The following SLC7A14 variants were observed in gnomAD, a reference collection of about 807,000 sequenced individuals.
The protein encoded by SLC7A14 is gamma-aminobutyric acid transporter SLC7A14.
In SLC7A14, 37 loss-of-function variants were observed where a neutral mutation model predicts 60.2. The observed-to-expected ratio is 0.61, with a 90% CI of 0.47 to 0.81. The LOEUF is 0.81. SLC7A14 is among the 30% of genes least tolerant of loss of function. The pLI is 0.00. For missense variants in SLC7A14, 886 were observed against 982.7 expected (o/e 0.90, Z 1.32); for synonymous variants, 399 against 395.8 (o/e 1.01, Z -0.10).
At chr3:170,584,522 C>G (rs924428699) in intron 1 of SLC7A14, among the ~76,000 whole-genome samples, 1 of 152,220 alleles carries the variant, frequency 6.6e-6, no homozygotes, top group Non-Finnish European at 1.5e-5. Context: ...TGCTCTTCCA[C>G]TCAGGAAAGC....
At chr3:170,497,286 G>A (rs192442811) in intron 4 of SLC7A14, among the ~76,000 whole-genome samples, 4 of 152,176 alleles carry the variant, frequency 2.6e-5, no homozygotes, top group African/African-American at 9.6e-5. Context: ...CTCTTCTTTT[G>A]GGTTTAAGCA....
chr3:170,531,534 C>T (rs1713681149), intron 1 of SLC7A14, among the ~76,000 whole-genome samples: 1 of 152,180 alleles, frequency 6.6e-6, no homozygotes, highest in Admixed American at 6.6e-5. Context: ...TCTCTTCACG[C>T]AATTCCCCTG....
chr3:170,521,321 C>T lies in SLC7A14; in HGVS notation c.304+5312G>A, dbSNP rs545228944. Reference sequence around the variant, plus strand: ...GGTTTGCATAGCATGGGGAATGGTGCGGCAAGGCCAAAAACTCTCTTAAGA... The same window carrying T: ...GGTTTGCATAGCATGGGGAATGGTGTGGCAAGGCCAAAAACTCTCTTAAGA... On this transcript the variant is annotated intron_variant, in intron 2 of 7. Coordinates refer to ENST00000231706, the MANE Select transcript of SLC7A14 (RefSeq NM_020949.3). Among the ~76,000 whole-genome samples, 11 of 152,288 alleles carry T rather than the reference C, an allele frequency of 7.2e-5. No homozygotes were observed. In the South Asian group the frequency reaches 2.1e-3, roughly 29 times the overall value.
rs1427974511 is a variant in SLC7A14 at position 170,532,963 on chromosome 3, G to A, written c.-152-5875C>T. 6.6e-6 allele frequency among the ~76,000 whole-genome samples: 1 copy of A among 152,102 alleles called. No individual in the cohort carries two copies. The highest frequency in any genetic ancestry group is 6.5e-5 in the Admixed American group (1 of 15,270). ...ATTTGCTTAGGCCTTTGGGTGTTAT[G>A]CCTCCTCTCATTCTTCTATACTTTT... On this transcript the variant is annotated intron_variant, in intron 1 of 7. Coordinates refer to ENST00000231706, the MANE Select transcript of SLC7A14 (RefSeq NM_020949.3). The surrounding 1 kb of genome is among the most constrained non-coding windows in gnomAD (Gnocchi z 4.0).
chr3:170,582,989 T>C (rs1158752595), intron 1 of SLC7A14, among the ~76,000 whole-genome samples: 1 of 152,182 alleles, frequency 6.6e-6, no homozygotes, highest in Non-Finnish European at 1.5e-5. Context: ...TTCAGTAAAA[T>C]GATTGATGAA....
chr3:170,472,709 T>C (rs1228568727), intron 7 of SLC7A14, among the ~76,000 whole-genome samples: 2 of 150,540 alleles, frequency 1.3e-5, no homozygotes, highest in Admixed American at 6.6e-5. Context: ...AGAGCTTGCA[T>C]TGAGCTGAGA....
At chr3:170,474,748 T>A (rs1711558741) in intron 7 of SLC7A14, among the ~76,000 whole-genome samples, 1 of 152,210 alleles carries the variant, frequency 6.6e-6, no homozygotes, top group Non-Finnish European at 1.5e-5. Context: ...GTCTTCTCTT[T>A]GGGATATTTC....
chr3:170,546,949 G>T (rs1488890545), intron 1 of SLC7A14, among the ~76,000 whole-genome samples: 1 of 152,234 alleles, frequency 6.6e-6, no homozygotes, highest in Non-Finnish European at 1.5e-5. Context: ...CACCTGGGGA[G>T]CTTTTAAAAA....
rs529695055 is a variant in SLC7A14, at chr3:170,462,800, T to C, written c.*4255A>G. The C allele has an allele frequency of 3.3e-5, 5 of 152,234 alleles. No homozygotes were observed. The East Asian group carries it at 5.8e-4, about 18-fold the overall frequency. 9.4% of individuals were successfully genotyped at this position (152,234 alleles called of 1,614,324 possible). ...GATTTTACTGTTTAGATTAGATAGA[T>C]ATAAAAAGTTGTTAGGTTTAGTTGT... On this transcript the variant is annotated 3_prime_UTR_variant, in exon 8 of 8. Coordinates refer to ENST00000231706, the MANE Select transcript of SLC7A14 (RefSeq NM_020949.3).
chr3:170,468,847 A>T (rs1739798087), intron 7 of SLC7A14, among the ~76,000 whole-genome samples: 2 of 152,192 alleles, frequency 1.3e-5, no homozygotes, highest in African/African-American at 4.8e-5. Flanking sequence ...GAAATGAGGT[A>T]AGTGGTGGTT....
chr3:170,567,921 T>A (rs796959088), intron 1 of SLC7A14, among the ~76,000 whole-genome samples: 2 of 151,942 alleles, frequency 1.3e-5, no homozygotes, highest in Non-Finnish European at 2.9e-5. Context: ...CTTTGTCAGA[T>A]GAGTAGGTTG....
intron 1 of SLC7A14, among the ~76,000 whole-genome samples, chr3:170,531,948 T>A (rs1476382256): frequency 6.6e-6 from 1 of 152,046 alleles, no homozygotes; most frequent in African/African-American, 2.4e-5. Flanking sequence ...TACAGTTGAG[T>A]AGTTCACTGA....
chr3:170,512,856 G>C (rs1293000304), intron 2 of SLC7A14, among the ~76,000 whole-genome samples: 1 of 151,526 alleles, frequency 6.6e-6, no homozygotes, highest in Non-Finnish European at 1.5e-5. Flanking sequence ...GTAGAGACGG[G>C]GTTTCACCGT....
At chr3:170,474,605 T>C (rs547264074) in intron 7 of SLC7A14, among the ~76,000 whole-genome samples, 1 of 152,368 alleles carries the variant, frequency 6.6e-6, no homozygotes, top group East Asian at 1.9e-4. Context: ...ATGGGACATG[T>C]CATCAAGAAT....
intron 2 of SLC7A14, among the ~76,000 whole-genome samples, chr3:170,506,974 A>G (rs1172549820): frequency 6.6e-6 from 1 of 152,196 alleles, no homozygotes; most frequent in Non-Finnish European, 1.5e-5. Context: ...AGGCTTCTCC[A>G]CTTAAGACAT....
chr3:170,490,103 G>T (rs959174667), intron 4 of SLC7A14, among the ~76,000 whole-genome samples: 1 of 152,140 alleles, frequency 6.6e-6, no homozygotes, highest in African/African-American at 2.4e-5. Context: ...TAATTGGATT[G>T]GTTATAACTC....
intron 1 of SLC7A14, among the ~76,000 whole-genome samples, chr3:170,545,613 T>C (rs992779051): frequency 2.0e-5 from 3 of 152,202 alleles, no homozygotes; most frequent in Non-Finnish European, 4.4e-5. Flanking sequence ...CCCTCCACCC[T>C]ACCCTGGTTC....
chr3:170,534,836 A>C (rs778010631), intron 1 of SLC7A14, among the ~76,000 whole-genome samples: 23 of 152,224 alleles, frequency 1.5e-4, no homozygotes, highest in Admixed American at 2.6e-4. Context: ...CAATATTTCT[A>C]CTGACACAAA....
chr3:170,461,359 C>A lies in SLC7A14; in HGVS notation c.*5696G>T, dbSNP rs1739600553. 6.6e-6 allele frequency: 1 copy of A among 152,152 alleles called. No individual in the cohort carries two copies. Among genetic ancestry groups the A allele is most frequent in the Non-Finnish European group, 1.5e-5 (1 of 68,026 alleles). 9.4% of individuals were successfully genotyped at this position (152,152 alleles called of 1,614,324 possible). ...TATTTTCTTAGAGAAGTAATTTTGG[C>A]AAAAGGCGACTGCCTAGCTGTTTCA... On this transcript the variant is annotated 3_prime_UTR_variant, in exon 8 of 8. Coordinates refer to ENST00000231706, the MANE Select transcript of SLC7A14 (RefSeq NM_020949.3).
Sources: gnomAD v4.1 joint callset for allele counts (sites outside exome capture counted in the v4.1 genomes callset) on GRCh38, gnomAD v4.1.1 for gene constraint, Gnocchi (gnomAD v3.1) non-coding constraint, MANE v1.5 for transcripts, NCBI Gene and HGNC (gene_info 2026-07-23, HGNC 2026-07-21) for gene names.